The following PC variants were observed in gnomAD, a reference collection of about 807,000 sequenced individuals.
The protein encoded by PC is pyruvate carboxylase.
In PC, 46 loss-of-function variants were observed where a neutral mutation model predicts 107.8. That is an observed-to-expected ratio of 0.43 (90% CI 0.34 to 0.55). The LOEUF is 0.55. Among genes scored for constraint, PC ranks in the 20% least tolerant of loss-of-function variants. The probability of loss-of-function intolerance (pLI) is 0.04; values close to 1 mark genes in which losing one functional copy is unlikely to be tolerated. For missense variants in PC, 1,241 were observed against 1,643.1 expected (o/e 0.76, Z 4.23); for synonymous variants, 662 against 684.7 (o/e 0.97, Z 0.52).
chr11:66,871,285 G>A lies in PC; in HGVS notation c.487+30C>T. The A allele has an allele frequency of 6.2e-7, 1 of 1,614,078 alleles. No individual in the cohort carries two copies. The highest frequency in any genetic ancestry group is 8.5e-7 in the Non-Finnish European group (1 of 1,180,028). The stretch of plus-strand genomic sequence containing the variant: ...GCTGGACCCTCTCCAGGAGCTGCGG[G>A]GCCACCCCTTGCTTGCCCGTTATAT... On this transcript the variant is annotated intron_variant, in intron 6 of 22. Coordinates refer to ENST00000393960, the MANE Select transcript of PC (RefSeq NM_001040716.2). The surrounding 1 kb of genome is among the most constrained non-coding windows in gnomAD (Gnocchi z 7.4).
In PC at chr11:66,857,557, C is replaced by T; in HGVS notation, c.1369-4174G>A. 1 of 610,626 alleles carries T rather than the reference C, an allele frequency of 1.6e-6. No individual in the cohort carries two copies. Among genetic ancestry groups the T allele is most frequent in the South Asian group, 2.1e-5 (1 of 46,574 alleles). The allele number at this position is 610,626 out of a possible 1,614,324, so 37.8% of individuals were successfully genotyped here. A position where few individuals can be genotyped will look rare whatever the true frequency, so the allele number is the denominator to read the frequency against. On this transcript the variant is annotated intron_variant, in intron 12 of 22. Transcript: ENST00000393960. This position sits in a 1 kb window ranked among gnomAD's most constrained non-coding sequence, Gnocchi z 7.1. ...CTGCTTGGGAAATGTGACCTTTGCT[C>T]TGGGGGGCCTGGCCCTGCAGGCCCC... is the stretch of plus-strand genomic sequence containing the variant.
chr11:66,929,953 C>A (rs1948807165), intron 3 of PC, among the ~76,000 whole-genome samples: 1 of 152,076 alleles, frequency 6.6e-6, no homozygotes, highest in Non-Finnish European at 1.5e-5. Flanking sequence ...CAGAACTAGG[C>A]AAACCTGAGC....
At chr11:66,915,051 CA>C (rs926542142) in intron 3 of PC, among the ~76,000 whole-genome samples, 10 of 150,106 alleles carry the variant, frequency 6.7e-5, no homozygotes, top group Non-Finnish European at 8.9e-5. Context: ...ACAACAACAA[CA>C]AAAAAACTAG....
At chr11:66,891,203 T>G (rs1178709332) in intron 3 of PC, among the ~76,000 whole-genome samples, 3 of 151,788 alleles carry the variant, frequency 2.0e-5, no homozygotes, top group Admixed American at 6.6e-5. Flanking sequence ...ATTACAGATG[T>G]GCGCCAACAT....
At chr11:66,880,865 T>TGGCTGAGAA (rs756755402) in intron 3 of PC, among the ~76,000 whole-genome samples, 30 of 152,336 alleles carry the variant, frequency 2.0e-4, no homozygotes, top group Admixed American at 3.9e-4. Flanking sequence ...TTCTCAAGGT[T>TGGCTGAGAA]GTCAAGTTTG....
At chr11:66,873,529 AATATATATTATATATAAT>A (rs1946860678) in intron 3 of PC, among the ~76,000 whole-genome samples, 2 of 86,286 alleles carry the variant, frequency 2.3e-5, no homozygotes, top group Non-Finnish European at 4.2e-5. Context: ...TATATATTAT[AATATATATTATATATAAT>A]ATTATAATAT....
chr11:66,905,934 TGTG>T (rs1480025806), intron 3 of PC, among the ~76,000 whole-genome samples: 1 of 151,686 alleles, frequency 6.6e-6, no homozygotes, highest in Non-Finnish European at 1.5e-5. Context: ...ACAGCAGAAA[TGTG>T]AGGAGGAGAA....
chr11:66,873,891 C>A (rs776184007), intron 3 of PC, among the ~76,000 whole-genome samples: 2 of 151,986 alleles, frequency 1.3e-5, no homozygotes, highest in African/African-American at 4.8e-5. Context: ...CCTCAGCCTC[C>A]CAAGTAGCTG....
At chr11:66,854,789 A>C (rs982796589) in intron 12 of PC, among the ~76,000 whole-genome samples, 2 of 152,098 alleles carry the variant, frequency 1.3e-5, no homozygotes, top group Non-Finnish European at 2.9e-5. Flanking sequence ...CTCCCCCACC[A>C]GCCTGTCAGG....
chr11:66,904,737 G>C (rs551210385), intron 3 of PC, among the ~76,000 whole-genome samples: 9 of 152,254 alleles, frequency 5.9e-5, no homozygotes, highest in Non-Finnish European at 1.3e-4. Flanking sequence ...AGGCCTGGCA[G>C]GGGTCACCTG....
At chr11:66,908,293 A>G (rs979691524) in intron 3 of PC, among the ~76,000 whole-genome samples, 3 of 152,146 alleles carry the variant, frequency 2.0e-5, no homozygotes, top group Non-Finnish European at 4.4e-5. Context: ...CCGAGACCTC[A>G]CTATGCCTTG....
intron 12 of PC, among the ~76,000 whole-genome samples, chr11:66,861,481 G>T (rs1204008558): frequency 6.6e-6 from 1 of 152,372 alleles, no homozygotes; most frequent in South Asian, 2.1e-4. Flanking sequence ...GTGTTCACGT[G>T]TGCATGGACC....
intron 3 of PC, among the ~76,000 whole-genome samples, chr11:66,928,563 T>C (rs561996767): frequency 6.6e-6 from 1 of 152,182 alleles, no homozygotes; most frequent in African/African-American, 2.4e-5. Context: ...CTCGCTCTTG[T>C]TGCCCAGGCT....
intron 3 of PC, among the ~76,000 whole-genome samples, chr11:66,947,832 G>T (rs184463135): frequency 4.6e-5 from 7 of 151,716 alleles, no homozygotes; most frequent in Admixed American, 4.0e-4. Flanking sequence ...GCGTGGTGGT[G>T]GGCGCCTCTA....
At chr11:66,957,567 G>A (rs559315445) in intron 1 of PC, among the ~76,000 whole-genome samples, 13 of 152,314 alleles carry the variant, frequency 8.5e-5, no homozygotes, top group African/African-American at 3.1e-4. Context: ...AGTGAGCCGA[G>A]ATCGCGCCAC....
At chr11:66,904,060 C>A (rs900529217) in intron 3 of PC, among the ~76,000 whole-genome samples, 9 of 151,992 alleles carry the variant, frequency 5.9e-5, no homozygotes, top group African/African-American at 2.2e-4. Flanking sequence ...CTTTAGCAGA[C>A]ACTCTCACTT....
At position 66,870,500 on chromosome 11, in the gene PC, G is replaced by A. The variant is rs755605050; in HGVS notation, c.752-47C>T. 6 of 1,598,032 alleles carry A rather than the reference G, an allele frequency of 3.8e-6. No individual in the cohort carries two copies. Among genetic ancestry groups the A allele is most frequent in the Admixed American group, 3.3e-5 (2 of 59,710 alleles). On this transcript the variant is annotated intron_variant, in intron 8 of 22. Transcript: ENST00000393960. This position sits in a 1 kb window ranked among gnomAD's most constrained non-coding sequence, Gnocchi z 6.1. ...GCTTAGCTTTTACTGGAATCTACAC[G>A]CCTCCTAAATGCCCCATCACCCCCA...
chr11:66,895,236 C>T (rs1250754937), intron 3 of PC, among the ~76,000 whole-genome samples: 1 of 152,014 alleles, frequency 6.6e-6, no homozygotes, highest in East Asian at 1.9e-4. Context: ...TGCATGCTAC[C>T]CCCTTCCCCA....
chr11:66,851,686 G>A (rs1047471886), intron 16 of PC, 104 bp downstream of exon 16: 4 of 1,228,334 alleles, frequency 3.3e-6, no homozygotes, highest in Non-Finnish European at 4.8e-6. Flanking sequence ...GCCACAGAGA[G>A]ACTTGGTGTC....
Sources: allele counts gnomAD v4.1 joint callset (sites outside exome capture counted in the v4.1 genomes callset), GRCh38; gene constraint gnomAD v4.1.1; non-coding constraint Gnocchi (gnomAD v3.1); transcripts MANE v1.5; gene names NCBI Gene and HGNC (gene_info 2026-07-23, HGNC 2026-07-21).